Variants in PTMS observed in about 807,000 individuals in gnomAD.
PTMS encodes parathymosin.
PTMS carries 5 observed loss-of-function variants against 18.4 expected under a neutral mutation model. The observed-to-expected ratio is 0.27, with a 90% CI of 0.14 to 0.57. PTMS has a LOEUF of 0.57. Ranked by LOEUF, PTMS falls within the 20% of genes least tolerant of loss-of-function variation. The probability of loss-of-function intolerance (pLI) is 0.92; values close to 1 mark genes in which losing one functional copy is unlikely to be tolerated. For missense variants in PTMS, 93 were observed against 124.6 expected (o/e 0.75, Z 1.21); for synonymous variants, 53 against 47.7 (o/e 1.11, Z -0.46).
In PTMS at chr12:6,767,596, G is replaced by GGC. The variant is rs1289269621; in HGVS notation, c.45+848_45+849dup. On this transcript the variant is annotated intron_variant, in intron 1 of 4. Coordinates refer to ENST00000309083, the MANE Select transcript of PTMS (RefSeq NM_002824.6). Reference sequence around the variant, plus strand: ...CCCTATCTTGTGTGTGTATGTGTATGGCGGGGGGGGGGGGCGCGGTGGTTG... The same window carrying GGC: ...CCCTATCTTGTGTGTGTATGTGTATGGCGCGGGGGGGGGGGGCGCGGTGGTTG... 7 of 133,578 alleles carry GGC rather than the reference G, an allele frequency of 5.2e-5. No homozygotes were observed. In the South Asian group the frequency reaches 1.3e-3, roughly 24 times the overall value. 8.3% of individuals were successfully genotyped at this position (133,578 alleles called of 1,614,324 possible). A position where few individuals can be genotyped will look rare whatever the true frequency, so the allele number is the denominator to read the frequency against.
chr12:6,766,888 G>A (rs1941772790), intron 1 of PTMS, 138 bp downstream of exon 1: 3 of 440,850 alleles, frequency 6.8e-6, no homozygotes, highest in Non-Finnish European at 9.0e-6. Context: ...CCCTCCCACC[G>A]CTCCCCGGCC....
chr12:6,767,598 C>CGGGGGGGGGG (rs56074647), intron 1 of PTMS: 4 of 11,012 alleles, frequency 3.6e-4, no homozygotes, highest in Admixed American at 7.8e-4. Context: ...ATGTGTATGG[C>CGGGGGGGGGG]GGGGGGGGGG....
chr12:6,767,772 C>A (rs1941792890), intron 1 of PTMS, among the ~76,000 whole-genome samples: 1 of 152,258 alleles, frequency 6.6e-6, no homozygotes, highest in Admixed American at 6.5e-5. Context: ...CATGTGACTT[C>A]ACTGAGTAGG....
intron 1 of PTMS, chr12:6,768,979 G>C (rs891093553): frequency 6.4e-6 from 1 of 155,402 alleles, no homozygotes; most frequent in African/African-American, 2.4e-5. Context: ...AGGGATAGAG[G>C]AAACTACTTG....
At chr12:6,768,588 A>G (rs1941800963) in intron 1 of PTMS, among the ~76,000 whole-genome samples, 2 of 152,252 alleles carry the variant, frequency 1.3e-5, no homozygotes, top group South Asian at 4.1e-4. Context: ...GCACACCAAC[A>G]CCAGATCAGA....
intron 1 of PTMS, chr12:6,769,167 A>G (rs1006840363): frequency 1.3e-5 from 3 of 227,230 alleles, no homozygotes; most frequent in African/African-American, 4.8e-5. Context: ...CCTCAGGAAA[A>G]GGCCCCAGAG....
At chr12:6,767,603 G>GT (rs1555110939) in intron 1 of PTMS, 1 of 139,264 alleles carries the variant, frequency 7.2e-6, no homozygotes, top group Non-Finnish European at 1.6e-5. Flanking sequence ...TATGGCGGGG[G>GT]GGGGGGGCGC....
In PTMS at chr12:6,770,839, TCAGA is replaced by T; in HGVS notation, c.*401_*404del. The T allele has an allele frequency of 4.9e-6, 1 of 204,634 alleles. No individual in the cohort carries two copies. The highest frequency in any genetic ancestry group is 1.0e-5 in the Non-Finnish European group (1 of 99,982). 12.7% of individuals were successfully genotyped at this position (204,634 alleles called of 1,614,324 possible). On this transcript the variant is annotated 3_prime_UTR_variant, in exon 5 of 5. Coordinates refer to ENST00000309083, the MANE Select transcript of PTMS (RefSeq NM_002824.6). This position sits in a 1 kb window ranked among gnomAD's most constrained non-coding sequence, Gnocchi z 7.3. The stretch of plus-strand genomic sequence containing the variant: ...TGGATCTCCCTCAGATCCCCTCTTC[TCAGA>T]CAGCGCCAGGCCGGGGTGGGGCCGG...
chr12:6,766,394 G>C lies in PTMS; in HGVS notation c.-312G>C, dbSNP rs1214250723. ...TGGTCGGCGGCAGCTCTGCTGGTGC[G>C]GGGGCGGCGAGCCCGGGATCGAGCT... On this transcript the variant is annotated 5_prime_UTR_variant, in exon 1 of 5. Transcript: ENST00000309083. 1 of 159,008 alleles carries C rather than the reference G, an allele frequency of 6.3e-6. No homozygotes were observed. Among genetic ancestry groups the C allele is most frequent in the African/African-American group, 2.4e-5 (1 of 41,474 alleles). The allele number at this position is 159,008 out of a possible 1,614,324, so 9.8% of individuals were successfully genotyped here.
In PTMS at chr12:6,770,320, T is replaced by C; in HGVS notation, c.259-72T>C. The stretch of plus-strand genomic sequence containing the variant: ...ATCCCTGTGTGGCAGGGGTGGGGGC[T>C]GGAACAGGACCGGGACAGGGGGAGG... On this transcript the variant is annotated intron_variant, in intron 4 of 4. Coordinates refer to ENST00000309083, the MANE Select transcript of PTMS (RefSeq NM_002824.6). This position sits in a 1 kb window ranked among gnomAD's most constrained non-coding sequence, Gnocchi z 7.3. 3 of 1,607,864 alleles carry C rather than the reference T, an allele frequency of 1.9e-6. No individual in the cohort carries two copies. Among genetic ancestry groups the C allele is most frequent in the Admixed American group, 1.7e-5 (1 of 60,004 alleles).
Position 6,770,307 on chromosome 12 carries a change from CAG to C in PTMS, c.259-84_259-83del, listed in dbSNP as rs1019312625. 1.3e-4 allele frequency: 207 copies of C among 1,608,426 alleles called. 1 individual carries two copies. Among genetic ancestry groups the C allele is most frequent in the Middle Eastern group, 9.9e-4 (6 of 6,054 alleles). ...GATTTGGACCCAGATCCCTGTGTGG[CAG>C]GGGTGGGGGCTGGAACAGGACCGGG... On this transcript the variant is annotated intron_variant, in intron 4 of 4. Transcript: ENST00000309083. This position sits in a 1 kb window ranked among gnomAD's most constrained non-coding sequence, Gnocchi z 7.3.
chr12:6,769,892 G>C (rs1414040061), intron 2 of PTMS, 29 bp from the exon 3 acceptor site: 4 of 1,573,540 alleles, frequency 2.5e-6, no homozygotes, highest in Admixed American at 1.9e-5. Context: ...CAGCCAGCCT[G>C]AGGCTACTCC....
At chr12:6,768,503 C>T (rs1941799844) in intron 1 of PTMS, among the ~76,000 whole-genome samples, 1 of 152,154 alleles carries the variant, frequency 6.6e-6, no homozygotes, top group African/African-American at 2.4e-5. Flanking sequence ...CTATCCTGTT[C>T]CAGAAAGGAC....
chr12:6,768,610 C>T (rs1268839804), intron 1 of PTMS, among the ~76,000 whole-genome samples: 1 of 152,198 alleles, frequency 6.6e-6, no homozygotes, highest in African/African-American at 2.4e-5. Flanking sequence ...CACACAAGGA[C>T]ACCTACCGTG....
chr12:6,769,354 G>C (rs1592492720), intron 1 of PTMS, among the ~76,000 whole-genome samples: 1 of 152,042 alleles, frequency 6.6e-6, no homozygotes, highest in East Asian at 1.9e-4. Flanking sequence ...TCATTACCCT[G>C]GTTGCCCGCT....
chr12:6,770,083 A>G lies in PTMS; in HGVS notation c.197-74A>G. The stretch of plus-strand genomic sequence containing the variant: ...CAGGGTGGGTTTGAAGACCTGAAGC[A>G]GGGCTGAGGGCGACCACGGGGGCTC... On this transcript the variant is annotated intron_variant, in intron 3 of 4. Transcript: ENST00000309083. The surrounding 1 kb of genome is among the most constrained non-coding windows in gnomAD (Gnocchi z 7.3). 6.2e-7 allele frequency: 1 copy of G among 1,607,706 alleles called. No homozygotes were observed. Among genetic ancestry groups the G allele is most frequent in the African/African-American group, 1.3e-5 (1 of 74,774 alleles).
At position 6,766,601 on chromosome 12, in the gene PTMS, CACCGCGCCAGGTTCCGGCCGCG is replaced by C; in HGVS notation, c.-104_-83del. 1 of 625,670 alleles carries C rather than the reference CACCGCGCCAGGTTCCGGCCGCG, an allele frequency of 1.6e-6. No individual in the cohort carries two copies. Among genetic ancestry groups the C allele is most frequent in the East Asian group, 1.1e-4 (1 of 9,252 alleles). The allele number at this position is 625,670 out of a possible 1,614,324, so 38.8% of individuals were successfully genotyped here. The stretch of plus-strand genomic sequence containing the variant: ...CTGCCGCTGTCGCCGCCGCCGCCGC[CACCGCGCCAGGTTCCGGCCGCG>C]GCCACCCTCCGCCGTCCAGGGCCCC... On this transcript the variant is annotated 5_prime_UTR_variant, in exon 1 of 5. Coordinates refer to ENST00000309083, the MANE Select transcript of PTMS (RefSeq NM_002824.6).
intron 1 of PTMS, chr12:6,767,608 G>GGT (rs1941788834): frequency 7.3e-6 from 1 of 137,692 alleles, no homozygotes; most frequent in African/African-American, 2.7e-5. Context: ...CGGGGGGGGG[G>GGT]GGCGCGGTGG....
At chr12:6,768,299 G>A (rs1941797835) in intron 1 of PTMS, among the ~76,000 whole-genome samples, 1 of 152,198 alleles carries the variant, frequency 6.6e-6, no homozygotes, top group Non-Finnish European at 1.5e-5. Context: ...TCCTGGCCCA[G>A]GACGTAGGGA....
Sources: allele counts gnomAD v4.1 joint callset (sites outside exome capture counted in the v4.1 genomes callset), GRCh38; gene constraint gnomAD v4.1.1; non-coding constraint Gnocchi (gnomAD v3.1); transcripts MANE v1.5; gene names NCBI Gene and HGNC (gene_info 2026-07-23, HGNC 2026-07-21).